The following FAM110B variants were observed in gnomAD, a reference collection of about 807,000 sequenced individuals.
The protein encoded by FAM110B is protein FAM110B.
A neutral mutation model predicts 20.4 loss-of-function variants in FAM110B; 6 were observed. The ratio of observed to expected loss-of-function variants is 0.29; its 90% confidence interval spans 0.16 to 0.58. The LOEUF (loss-of-function observed/expected upper bound fraction) is 0.58. Ranked by LOEUF, FAM110B falls within the 20% of genes least tolerant of loss-of-function variation. The pLI is 0.90. For synonymous variants in FAM110B, 226 were observed against 214.1 expected (o/e 1.06, Z -0.49); for missense variants, 434 against 498.2 (o/e 0.87, Z 1.23).
At chr8:58,087,481 G>A (rs559031170) in intron 3 of FAM110B, among the ~76,000 whole-genome samples, 43 of 152,318 alleles carry the variant, frequency 2.8e-4, no homozygotes, top group African/African-American at 7.7e-4. Context: ...AGGCAACAGA[G>A]CATCAGAGAA....
At chr8:58,113,189 T>C (rs1807107586) in intron 3 of FAM110B, 3 of 152,330 alleles carry the variant, frequency 2.0e-5, no homozygotes, top group African/African-American at 7.2e-5. Context: ...TATGATTACT[T>C]TATGTCTGCA....
At chr8:58,089,234 G>A (rs747683919) in intron 3 of FAM110B, among the ~76,000 whole-genome samples, 1 of 152,204 alleles carries the variant, frequency 6.6e-6, no homozygotes, top group Admixed American at 6.5e-5. Context: ...AATTTCTGCA[G>A]TTCTGTGAAA....
intron 1 of FAM110B, among the ~76,000 whole-genome samples, chr8:57,998,117 T>C (rs1257758680): frequency 6.6e-6 from 1 of 152,256 alleles, no homozygotes; most frequent in Non-Finnish European, 1.5e-5. Context: ...AATTTTGTGG[T>C]TAACATTTGA....
intron 1 of FAM110B, among the ~76,000 whole-genome samples, chr8:58,011,906 C>T (rs903208925): frequency 2.0e-5 from 3 of 152,184 alleles, no homozygotes; most frequent in Admixed American, 1.3e-4. Context: ...TAGACCCCCT[C>T]GGAATCACCT....
chr8:58,120,789 T>A (rs1256183446), intron 3 of FAM110B, among the ~76,000 whole-genome samples: 1 of 152,172 alleles, frequency 6.6e-6, no homozygotes, highest in Non-Finnish European at 1.5e-5. Context: ...CAAGAATGGA[T>A]GTAACTAGGC....
In FAM110B at chr8:58,146,736, AG is replaced by A; in HGVS notation, c.509del (p.Gly170AlafsTer37). 6.2e-7 allele frequency: 1 copy of A among 1,612,158 alleles called. No homozygotes were observed. Among genetic ancestry groups the A allele is most frequent in the Non-Finnish European group, 8.5e-7 (1 of 1,179,184 alleles). On this transcript the variant is annotated frameshift_variant, in exon 4 of 4. Transcript: ENST00000519262. LOFTEE classifies it high-confidence loss of function. ...FAESLKVYPT[Q>X]GRRSPQEGGS... ...GAGTCCCTGAAGGTCTACCCCACGC[AG>A]GGCCGCAGGAGCCCGCAGGAGGGCG...
At chr8:58,059,513 C>T (rs1805614759) in intron 2 of FAM110B, among the ~76,000 whole-genome samples, 1 of 151,888 alleles carries the variant, frequency 6.6e-6, no homozygotes, top group East Asian at 1.9e-4. Context: ...ACTACTGATG[C>T]TGAGTACTTT....
At chr8:58,085,167 T>G (rs1176939418) in intron 3 of FAM110B, among the ~76,000 whole-genome samples, 2 of 152,220 alleles carry the variant, frequency 1.3e-5, no homozygotes, top group African/African-American at 4.8e-5. Context: ...GAAATTACTT[T>G]TTGTGGGGGT....
At chr8:58,069,176 C>T (rs1002525026) in intron 2 of FAM110B, among the ~76,000 whole-genome samples, 12 of 152,096 alleles carry the variant, frequency 7.9e-5, no homozygotes, top group African/African-American at 2.9e-4. Context: ...CAGAACTGTA[C>T]GATGGAGACA....
intron 3 of FAM110B, among the ~76,000 whole-genome samples, chr8:58,099,788 G>T (rs1369751791): frequency 6.6e-6 from 1 of 152,058 alleles, no homozygotes; most frequent in African/African-American, 2.4e-5. Context: ...TTTTATTACA[G>T]TATTTCTTAA....
chr8:58,064,091 C>A (rs1805713743), intron 2 of FAM110B, among the ~76,000 whole-genome samples: 1 of 152,148 alleles, frequency 6.6e-6, no homozygotes, highest in African/African-American at 2.4e-5. Context: ...ACAACCAGAT[C>A]TTGTGAGAAC....
chr8:58,063,619 G>A (rs1354638397), intron 2 of FAM110B, among the ~76,000 whole-genome samples: 1 of 152,042 alleles, frequency 6.6e-6, no homozygotes, highest in Non-Finnish European at 1.5e-5. Context: ...GCATCATGTT[G>A]GTGCTCAAAA....
intron 2 of FAM110B, among the ~76,000 whole-genome samples, chr8:58,047,538 A>G (rs983110927): frequency 1.4e-5 from 2 of 146,838 alleles, no homozygotes; most frequent in Non-Finnish European, 3.0e-5. Context: ...TAGTTCCAGC[A>G]ACTGACCAGA....
At chr8:58,098,566 T>A (rs994222481) in intron 3 of FAM110B, among the ~76,000 whole-genome samples, 1 of 152,168 alleles carries the variant, frequency 6.6e-6, no homozygotes, top group Non-Finnish European at 1.5e-5. Flanking sequence ...TCTGTCTTGC[T>A]GGCATTCCAG....
Position 58,147,311 on chromosome 8 carries a change from G to A in FAM110B, c.1081G>A (p.Ala361Thr), listed in dbSNP as rs1426160871. The A allele has an allele frequency of 1.2e-6, 2 of 1,613,942 alleles. No individual in the cohort carries two copies. The highest frequency in any genetic ancestry group is 1.7e-6 in the Non-Finnish European group (2 of 1,179,974). The change falls in exon 4 of 4, where the codon GCT (alanine) becomes ACT (threonine). Residue 361 changes from alanine (A) to threonine (T), a missense_variant. By Grantham distance (58) the Ala-to-Thr change is moderately conservative. Around this residue, in one of 3 missense-constraint regions of FAM110B, gnomAD observed 94 missense variants for 137.8 expected, o/e 0.68. Coordinates refer to ENST00000519262, the MANE Select transcript of FAM110B (RefSeq NM_001377989.1). ...CAAGTGGTTATATAGCATCAAACAA[G>A]CTAGAGAGTCACAGAAGGTCTCCCA... ...IIKWLYSIKQ[A>T]RESQKVSHV
chr8:58,137,813 C>T (rs546375632), intron 3 of FAM110B, among the ~76,000 whole-genome samples: 2 of 152,336 alleles, frequency 1.3e-5, no homozygotes, highest in South Asian at 4.1e-4. Flanking sequence ...TGGATGAAAT[C>T]TCAGACAGGA....
intron 3 of FAM110B, among the ~76,000 whole-genome samples, chr8:58,128,370 C>T (rs1807564885): frequency 6.6e-6 from 1 of 152,176 alleles, no homozygotes; most frequent in Admixed American, 6.5e-5. Flanking sequence ...ATTCTCACAT[C>T]AAGTGCTCTC....
intron 1 of FAM110B, among the ~76,000 whole-genome samples, chr8:58,014,980 C>G (rs1804608536): frequency 1.3e-5 from 2 of 152,132 alleles, no homozygotes; most frequent in African/African-American, 4.8e-5. Context: ...AAATAACTTT[C>G]TTTTCTTAGG....
chr8:58,087,999 C>T (rs971788713), intron 3 of FAM110B, among the ~76,000 whole-genome samples: 1 of 152,072 alleles, frequency 6.6e-6, no homozygotes, highest in Non-Finnish European at 1.5e-5. Context: ...AGAGGCTTCC[C>T]CAGAAGTAAA....
Sources: gnomAD v4.1 joint callset for allele counts (sites outside exome capture counted in the v4.1 genomes callset) on GRCh38, gnomAD v4.1.1 for gene constraint, gnomAD v4.1.1 regional missense constraint, MANE v1.5 for transcripts, NCBI Gene and HGNC (gene_info 2026-07-23, HGNC 2026-07-21) for gene names.